The following RELN variants were observed in gnomAD, a reference collection of about 807,000 sequenced individuals.
RELN encodes reelin.
A neutral mutation model predicts 427.6 loss-of-function variants in RELN; 108 were observed. The ratio of observed to expected loss-of-function variants is 0.25; its 90% CI spans 0.22 to 0.30. RELN has a LOEUF of 0.30. Among genes scored for constraint, RELN ranks in the 10% least tolerant of loss-of-function variants. RELN has a pLI of 1.00. For synonymous variants in RELN, 1,524 were observed against 1,513.4 expected (o/e 1.01, Z -0.16); for missense variants, 3,715 against 4,302.8 (o/e 0.86, Z 3.82).
intron 46 of RELN, among the ~76,000 whole-genome samples, chr7:103,527,575 A>G (rs917061593): frequency 6.6e-6 from 1 of 152,206 alleles, no homozygotes; most frequent in African/African-American, 2.4e-5. Context: ...TGTTGCAGCT[A>G]TATGTGTCTT....
In RELN at chr7:103,629,928, T is replaced by TTG. The variant is rs780542637; in HGVS notation, c.2702+11_2702+12insCA. 1 of 1,482,658 alleles carries TTG rather than the reference T, an allele frequency of 6.7e-7. No homozygotes were observed. Among genetic ancestry groups the TTG allele is most frequent in the Non-Finnish European group, 9.4e-7 (1 of 1,060,364 alleles). 91.8% of individuals were successfully genotyped at this position (1,482,658 alleles called of 1,614,324 possible). ...GTGCAAATTGTAACAATAACAATGA[T>TTG]GAAATCCTTACCAAAGGGTCCAGTC... On this transcript the variant is annotated intron_variant, in intron 20 of 64. Transcript: ENST00000428762.
rs960782248 is a variant in RELN at position 103,816,774 on chromosome 7, GAGTCTTCTTCTTGGAA to G, written c.473+16747_473+16762del. ...AAGATACACCCCATAATTGCTCCTT[GAGTCTTCTTCTTGGAA>G]TAGAACTGATAACTCACAGACTATC... On this transcript the variant is annotated intron_variant, in intron 3 of 64. Coordinates refer to ENST00000428762, the MANE Select transcript of RELN (RefSeq NM_005045.4). 2.6e-5 allele frequency among the ~76,000 whole-genome samples: 4 copies of G among 152,074 alleles called. No homozygotes were observed. In the South Asian group the frequency reaches 6.2e-4, roughly 24 times the overall value.
In RELN at chr7:103,988,412, G is replaced by A. The variant is rs1255273996; in HGVS notation, c.226+719C>T. Among the ~76,000 whole-genome samples the A allele has an allele frequency of 6.6e-6, 1 of 152,166 alleles. No individual in the cohort carries two copies. Among genetic ancestry groups the A allele is most frequent in the Non-Finnish European group, 1.5e-5 (1 of 68,020 alleles). ...TTCCAGCCTCTACCTGGAAATTAAA[G>A]CTGTGCAGATAAAATACAAAGTCAT... On this transcript the variant is annotated intron_variant, in intron 1 of 64. Coordinates refer to ENST00000428762, the MANE Select transcript of RELN (RefSeq NM_005045.4). The surrounding 1 kb of genome is among the most constrained non-coding windows in gnomAD (Gnocchi z 4.9).
chr7:103,753,290 C>G (rs1584465100), intron 4 of RELN, 76 bp from the exon 5 acceptor site: 1 of 1,493,378 alleles, frequency 6.7e-7, no homozygotes, highest in East Asian at 2.3e-5. Context: ...AGTCACAACA[C>G]AGTTATAAAA....
In RELN at chr7:103,510,934, G is replaced by A; in HGVS notation, c.8191C>T (p.Leu2731Phe). 3 of 1,612,172 alleles carry A rather than the reference G, an allele frequency of 1.9e-6. No individual in the cohort carries two copies. The highest frequency in any genetic ancestry group is 1.7e-6 in the Non-Finnish European group (2 of 1,178,272). Residue 2731 changes from leucine (L) to phenylalanine (F), a missense_variant, in exon 51 of 65, where the codon CTC (leucine) becomes TTC (phenylalanine). By Grantham distance (22) the Leu-to-Phe change is conservative. Transcript: ENST00000428762. ...RFCDSPDGVM[L>F]CGSHDGREVY... ...TCCCGTCCATCATGACTGCCACAGA[G>A]CATCACACCATCAGGGGAGTCACAG... is the stretch of plus-strand genomic sequence containing the variant.
chr7:103,911,002 T>C (rs1218278634), intron 2 of RELN, among the ~76,000 whole-genome samples: 4 of 138,720 alleles, frequency 2.9e-5, no homozygotes, highest in African/African-American at 1.2e-4. Context: ...AATTGACAAA[T>C]GGGATCTAAT....
intron 52 of RELN, among the ~76,000 whole-genome samples, chr7:103,502,109 A>C (rs1829050410): frequency 6.6e-6 from 1 of 152,208 alleles, no homozygotes; most frequent in Non-Finnish European, 1.5e-5. Flanking sequence ...CCTAGAGTTC[A>C]CTTATCTTTG....
intron 2 of RELN, among the ~76,000 whole-genome samples, chr7:103,881,949 G>A (rs1018687928): frequency 1.3e-5 from 2 of 152,140 alleles, no homozygotes; most frequent in Non-Finnish European, 2.9e-5. Flanking sequence ...TAAAACCAAT[G>A]CATCCCCTGG....
chr7:103,569,121 C>G lies in RELN; in HGVS notation c.4589-2362G>C, dbSNP rs191153801. 7.2e-5 allele frequency among the ~76,000 whole-genome samples: 11 copies of G among 152,178 alleles called. No homozygotes were observed. The highest frequency in any genetic ancestry group is 7.2e-4 in the Admixed American group (11 of 15,292). On this transcript the variant is annotated intron_variant, in intron 31 of 64. Transcript: ENST00000428762. This position sits in a 1 kb window ranked among gnomAD's most constrained non-coding sequence, Gnocchi z 4.0. ...GTCATAAAAGGCATTGTCGTTTATT[C>G]CTTGCTCCCTCTCAGATCTCTTGCT...
In RELN at chr7:103,500,787, C is replaced by T. The variant is rs190273964; in HGVS notation, c.8625G>A (p.Pro2875=). 5.5e-5 allele frequency: 88 copies of T among 1,614,072 alleles called. No individual in the cohort carries two copies. The East Asian group carries it at 1.6e-3, about 29-fold the overall frequency. ...AGTAGCAGTTTGGCCCTGAGTATCC[C>T]GGATCACAGATGCACTGTTCCCTTA... ...DCLREQCICD[P]GYSGPNCYLT... Residue 2875 remains proline, a synonymous_variant, in exon 53 of 65, where the codon CCG becomes CCA. Coordinates refer to ENST00000428762, the MANE Select transcript of RELN (RefSeq NM_005045.4).
intron 2 of RELN, among the ~76,000 whole-genome samples, chr7:103,888,053 C>A (rs537281561): frequency 3.2e-4 from 48 of 152,216 alleles, no homozygotes; most frequent in Middle Eastern, 3.4e-3. Context: ...AGCATTTTCA[C>A]TACCTTACCC....
intron 19 of RELN, among the ~76,000 whole-genome samples, chr7:103,630,860 G>GTTTTTTTTTTT (rs1224190919): frequency 7.4e-6 from 1 of 134,508 alleles, no homozygotes; most frequent in African/African-American, 2.9e-5. Flanking sequence ...TGTTTTTTTT[G>GTTTTTTTTTTT]TTTTTTTTTT....
intron 10 of RELN, among the ~76,000 whole-genome samples, chr7:103,697,048 A>G (rs1833991155): frequency 6.6e-6 from 1 of 152,150 alleles, no homozygotes; most frequent in Non-Finnish European, 1.5e-5. Flanking sequence ...GGCTGCTATA[A>G]CAGAGTACTA....
chr7:103,676,382 A>C (rs1833525014), intron 11 of RELN, among the ~76,000 whole-genome samples: 1 of 152,202 alleles, frequency 6.6e-6, no homozygotes, highest in Non-Finnish European at 1.5e-5. Context: ...TTAAAAAGTC[A>C]GGAAACAACA....
intron 59 of RELN, 127 bp from the exon 60 acceptor site, chr7:103,490,026 A>T: frequency 9.3e-7 from 1 of 1,072,540 alleles, no homozygotes; most frequent in Non-Finnish European, 1.4e-6. Flanking sequence ...TTCCTGAAGC[A>T]CCCTGCTGGC....
At chr7:103,794,985 T>TA (rs1243250672) in intron 3 of RELN, among the ~76,000 whole-genome samples, 1 of 152,236 alleles carries the variant, frequency 6.6e-6, no homozygotes, top group Non-Finnish European at 1.5e-5. Flanking sequence ...TTTTGACACT[T>TA]ACACTATGAT....
chr7:103,826,392 C>G (rs1165773618), intron 3 of RELN, among the ~76,000 whole-genome samples: 1 of 146,546 alleles, frequency 6.8e-6, no homozygotes, highest in East Asian at 2.0e-4. Context: ...CTAAATAGGT[C>G]ACAGAGGGCA....
At chr7:103,687,941 A>G (rs921390123) in intron 10 of RELN, among the ~76,000 whole-genome samples, 4 of 152,258 alleles carry the variant, frequency 2.6e-5, no homozygotes, top group African/African-American at 9.6e-5. Context: ...TTACTGTACA[A>G]ATAGGCCTCA....
chr7:103,596,340 A>G, intron 25 of RELN, 116 bp downstream of exon 25: 1 of 880,834 alleles, frequency 1.1e-6, no homozygotes, highest in Admixed American at 1.9e-5. Flanking sequence ...ATTCATGTTA[A>G]ATTTTTATAG....
Sources: gnomAD v4.1 joint callset for allele counts (sites outside exome capture counted in the v4.1 genomes callset) on GRCh38, gnomAD v4.1.1 for gene constraint, Gnocchi (gnomAD v3.1) non-coding constraint, MANE v1.5 for transcripts, NCBI Gene and HGNC (gene_info 2026-07-23, HGNC 2026-07-21) for gene names.